Variants in EIF2B3 observed in about 807,000 individuals in gnomAD.
EIF2B3 encodes the protein eukaryotic translation initiation factor 2B subunit gamma.
Under a neutral mutation model 54.1 loss-of-function variants are expected in EIF2B3, and 20 were observed. The observed-to-expected ratio is 0.37, with a 90% CI of 0.26 to 0.54. The LOEUF is 0.54. EIF2B3 is among the 20% of genes least tolerant of loss of function. EIF2B3 has a pLI of 0.86. For missense variants in EIF2B3, 448 were observed against 547.8 expected (o/e 0.82, Z 1.82); for synonymous variants, 153 against 188.1 (o/e 0.81, Z 1.52).
At chr1:44,872,039 T>C (rs1220990632) in intron 10 of EIF2B3, among the ~76,000 whole-genome samples, 1 of 151,920 alleles carries the variant, frequency 6.6e-6, no homozygotes, top group Non-Finnish European at 1.5e-5. Flanking sequence ...TTCTTGTATA[T>C]GTATGTATTT....
chr1:44,984,795 A>ATTTTTTTTTTTTTTTT (rs1557718636), intron 1 of EIF2B3, among the ~76,000 whole-genome samples: 1 of 80,470 alleles, frequency 1.2e-5, no homozygotes, highest in Non-Finnish European at 2.1e-5. Flanking sequence ...AATAATGTCC[A>ATTTTTTTTTTTTTTTT]TCTTTTTTTT....
At chr1:44,983,773 C>T (rs1457215855) in intron 1 of EIF2B3, among the ~76,000 whole-genome samples, 2 of 151,962 alleles carry the variant, frequency 1.3e-5, no homozygotes, top group Non-Finnish European at 2.9e-5. Context: ...ATGGCATGAT[C>T]TTGGCTCACT....
intron 5 of EIF2B3, among the ~76,000 whole-genome samples, chr1:44,925,841 T>C (rs1267511156): frequency 6.6e-6 from 1 of 151,490 alleles, no homozygotes; most frequent in Non-Finnish European, 1.5e-5. Context: ...GGAGAATCGC[T>C]TGAACCTGGG....
intron 5 of EIF2B3, among the ~76,000 whole-genome samples, chr1:44,906,834 T>C (rs1377371331): frequency 6.6e-6 from 1 of 152,220 alleles, no homozygotes; most frequent in Admixed American, 6.5e-5. Context: ...TGCTTACAAA[T>C]TTATATCTGA....
chr1:44,898,742 G>A (rs1390637057), intron 5 of EIF2B3, among the ~76,000 whole-genome samples: 3 of 152,186 alleles, frequency 2.0e-5, no homozygotes, highest in Non-Finnish European at 4.4e-5. Flanking sequence ...GCCTAGGCTG[G>A]AGTGCAGTGG....
intron 8 of EIF2B3, 37 bp downstream of exon 8, chr1:44,879,781 G>A (rs1655326278): frequency 6.2e-7 from 1 of 1,604,818 alleles, no homozygotes; most frequent in African/African-American, 1.3e-5. Flanking sequence ...CTGTTTCTAG[G>A]ACAAGAGCCC....
chr1:44,984,699 T>G (rs1221503562), intron 1 of EIF2B3, among the ~76,000 whole-genome samples: 1 of 152,058 alleles, frequency 6.6e-6, no homozygotes, highest in East Asian at 1.9e-4. Context: ...GCCTCAATTT[T>G]TGCATTTTAT....
At chr1:44,876,520 T>C (rs1462472452) in intron 8 of EIF2B3, among the ~76,000 whole-genome samples, 1 of 91,678 alleles carries the variant, frequency 1.1e-5, no homozygotes, top group Admixed American at 1.2e-4. Flanking sequence ...AGCCACCCCG[T>C]CTGGGAAGTG....
chr1:44,880,128 C>T (rs1226337530), intron 7 of EIF2B3, 120 bp from the exon 8 acceptor site: 1 of 1,137,856 alleles, frequency 8.8e-7, no homozygotes, highest in African/African-American at 1.5e-5. Flanking sequence ...GTTGCCTAGG[C>T]TGGTCTCAAA....
chr1:44,880,077 A>C, intron 7 of EIF2B3, 69 bp from the exon 8 acceptor site: 1 of 1,560,164 alleles, frequency 6.4e-7, no homozygotes, highest in South Asian at 1.1e-5. Flanking sequence ...AGACTCAGTC[A>C]AGTTGTTTTT....
At chr1:44,920,830 G>A (rs1291324987) in intron 5 of EIF2B3, among the ~76,000 whole-genome samples, 2 of 152,184 alleles carry the variant, frequency 1.3e-5, no homozygotes, top group Non-Finnish European at 2.9e-5. Flanking sequence ...TGGCTATTGT[G>A]AACAGTGCTG....
chr1:44,918,670 C>T lies in EIF2B3; in HGVS notation c.566+7958G>A, dbSNP rs1246174324. 3.3e-5 allele frequency among the ~76,000 whole-genome samples: 5 copies of T among 152,160 alleles called. No homozygotes were observed. In the East Asian group the frequency reaches 5.8e-4, roughly 18 times the overall value. On this transcript the variant is annotated intron_variant, in intron 5 of 11. Transcript: ENST00000360403. ...CCTCCCAAAGTGCTGGGATTACAGG[C>T]GTAAGCCACTGCACCTAACCAATAG...
At chr1:44,853,577 A>G (rs1032849412) in intron 11 of EIF2B3, among the ~76,000 whole-genome samples, 5 of 152,180 alleles carry the variant, frequency 3.3e-5, no homozygotes, top group Non-Finnish European at 7.3e-5. Context: ...CCTACACTTC[A>G]GCCTGGGTGA....
At chr1:44,890,976 C>G (rs1180738922) in intron 6 of EIF2B3, among the ~76,000 whole-genome samples, 39 of 152,152 alleles carry the variant, frequency 2.6e-4, no homozygotes, top group Non-Finnish European at 1.5e-5. Context: ...CTGCCTGGTC[C>G]AGACTACTGT....
rs537001411 is a variant in EIF2B3, at chr1:44,901,027, C to CT, written c.567-3584dup. Among the ~76,000 whole-genome samples, 3 of 152,202 alleles carry CT rather than the reference C, an allele frequency of 2.0e-5. No homozygotes were observed. In the South Asian group the frequency reaches 6.2e-4, roughly 32 times the overall value. ...ACCCAGGCATGATCAAAACTGCAGC[C>CT]TAGAACTCCTGGGCTCAAGTGATCC... is the stretch of plus-strand genomic sequence containing the variant. On this transcript the variant is annotated intron_variant, in intron 5 of 11. Coordinates refer to ENST00000360403, the MANE Select transcript of EIF2B3 (RefSeq NM_020365.5).
chr1:44,892,218 A>G (rs1655818638), intron 6 of EIF2B3, among the ~76,000 whole-genome samples: 1 of 152,132 alleles, frequency 6.6e-6, no homozygotes, highest in Non-Finnish European at 1.5e-5. Context: ...AGCACTTTCC[A>G]CAGGATTTAG....
chr1:44,963,449 T>C (rs1644306313), intron 3 of EIF2B3, among the ~76,000 whole-genome samples: 1 of 151,902 alleles, frequency 6.6e-6, no homozygotes, highest in Non-Finnish European at 1.5e-5. Context: ...GTTACATTTT[T>C]TGTAGAGACA....
chr1:44,985,830 C>T (rs1003710209), intron 1 of EIF2B3, among the ~76,000 whole-genome samples: 1 of 152,174 alleles, frequency 6.6e-6, no homozygotes, highest in Non-Finnish European at 1.5e-5. Flanking sequence ...GGGTGTTCAC[C>T]GCATCTCAGA....
At chr1:44,856,067 C>T (rs1654422521) in intron 11 of EIF2B3, among the ~76,000 whole-genome samples, 1 of 152,066 alleles carries the variant, frequency 6.6e-6, no homozygotes, top group Non-Finnish European at 1.5e-5. Context: ...AGAGAGAGCA[C>T]ATGTAAAAGC....
Sources: gnomAD v4.1 joint callset for allele counts (sites outside exome capture counted in the v4.1 genomes callset) on GRCh38, gnomAD v4.1.1 for gene constraint, MANE v1.5 for transcripts, NCBI Gene and HGNC (gene_info 2026-07-23, HGNC 2026-07-21) for gene names.